Variants in RYR3 observed in about 807,000 individuals in gnomAD.
RYR3 encodes brain ryanodine receptor-calcium release channel.
A neutral mutation model predicts 584.3 loss-of-function variants in RYR3; 207 were observed. The ratio of observed to expected loss-of-function variants is 0.35; its 90% CI spans 0.32 to 0.40. RYR3 has a LOEUF of 0.40. Ranked by LOEUF, RYR3 falls within the 10% of genes least tolerant of loss-of-function variation. RYR3 has a pLI of 1.00. For missense variants in RYR3, 5,616 were observed against 6,089.2 expected, an observed-to-expected ratio of 0.92 and a Z score of 2.59; for synonymous variants, 2,416 against 2,248.5, an observed-to-expected ratio of 1.07 and a Z score of -2.11.
chr15:33,313,745 G>T (rs1035960365), intron 1 of RYR3, among the ~76,000 whole-genome samples: 3 of 152,158 alleles, frequency 2.0e-5, no homozygotes, highest in African/African-American at 7.2e-5. Context: ...CTGGACCATG[G>T]AATAGAATCA....
intron 1 of RYR3, among the ~76,000 whole-genome samples, chr15:33,321,762 C>T (rs1968997107): frequency 6.6e-6 from 1 of 152,186 alleles, no homozygotes; most frequent in Non-Finnish European, 1.5e-5. Context: ...GGCTTTTGGT[C>T]TCCTTAAAGA....
intron 43 of RYR3, among the ~76,000 whole-genome samples, chr15:33,711,917 G>A (rs1441316393): frequency 1.3e-5 from 2 of 152,236 alleles, no homozygotes; most frequent in East Asian, 3.9e-4. Context: ...CCAATCTTTG[G>A]TACAAATGTT....
At chr15:33,338,895 T>TA (rs944299454) in intron 1 of RYR3, among the ~76,000 whole-genome samples, 1 of 152,120 alleles carries the variant, frequency 6.6e-6, no homozygotes, top group African/African-American at 2.4e-5. Flanking sequence ...CAAGCAAAAC[T>TA]AAACAATATG....
chr15:33,548,007 C>T (rs1420495066), intron 8 of RYR3, 123 bp from the exon 9 acceptor site: 23 of 680,664 alleles, frequency 3.4e-5, no homozygotes, highest in Non-Finnish European at 6.0e-5. Flanking sequence ...GCTTTGCATT[C>T]TGCTGACTCC....
intron 60 of RYR3, among the ~76,000 whole-genome samples, chr15:33,763,892 C>CAAAAACAAAAAAAAAAA (rs1555447212): frequency 1.7e-4 from 8 of 45,872 alleles, no homozygotes; most frequent in African/African-American, 6.3e-4. Context: ...GACTTCATCT[C>CAAAAACAAAAAAAAAAA]AAAAAAAAAA....
chr15:33,709,847 C>T (rs965600119), intron 43 of RYR3, among the ~76,000 whole-genome samples: 3 of 152,150 alleles, frequency 2.0e-5, no homozygotes, highest in Admixed American at 6.5e-5. Flanking sequence ...ACTGGTAAGA[C>T]ATGCGGTTTA....
intron 12 of RYR3, among the ~76,000 whole-genome samples, chr15:33,578,618 G>GC (rs940552615): frequency 6.5e-4 from 99 of 152,154 alleles, no homozygotes; most frequent in African/African-American, 2.3e-3. Flanking sequence ...GGGGTGGGGG[G>GC]TAGGAGGAGG....
rs8034655 is a variant in RYR3 at position 33,411,031 on chromosome 15, T to A, written c.52-62388T>A. On this transcript the variant is annotated intron_variant, in intron 1 of 103. Transcript: ENST00000634891. The stretch of plus-strand genomic sequence containing the variant: ...TGCCCCATGATTCATTATCTCCACC[T>A]GGCTCTGCTTTTGACACATGGGTAT... Among the ~76,000 whole-genome samples, 1,040 of 152,326 alleles carry A rather than the reference T, an allele frequency of 6.8e-3. 13 individuals carry two copies. Among genetic ancestry groups the A allele is most frequent in the African/African-American group, 0.024 (991 of 41,566 alleles).
intron 43 of RYR3, among the ~76,000 whole-genome samples, chr15:33,715,914 G>A (rs2067458128): frequency 1.3e-5 from 2 of 152,202 alleles, no homozygotes; most frequent in Admixed American, 1.3e-4. Context: ...TGGTTTGGAT[G>A]TTGTCTTCTC....
At chr15:33,818,017 A>G (rs1373644200) in intron 75 of RYR3, among the ~76,000 whole-genome samples, 1 of 152,250 alleles carries the variant, frequency 6.6e-6, no homozygotes, top group Non-Finnish European at 1.5e-5. Context: ...CCAGGATGGC[A>G]GCTCTCAGGA....
chr15:33,336,436 AAGAAAGAGAGAGAGAG>A (rs1432309955), intron 1 of RYR3, among the ~76,000 whole-genome samples: 5 of 17,520 alleles, frequency 2.9e-4, no homozygotes, highest in East Asian at 2.1e-3. Context: ...GAAAGAAAGA[AAGAAAGAGAGAGAGAG>A]AGAGAGAGAG....
At chr15:33,652,992 GA>G in intron 32 of RYR3, 109 bp downstream of exon 32, 1 of 1,169,396 alleles carries the variant, frequency 8.6e-7, no homozygotes, top group Non-Finnish European at 1.2e-6. Flanking sequence ...TCAAGCTGAT[GA>G]GCCCATGTGG....
At chr15:33,781,126 A>G (rs1223032067) in intron 65 of RYR3, among the ~76,000 whole-genome samples, 3 of 152,192 alleles carry the variant, frequency 2.0e-5, no homozygotes, top group African/African-American at 7.2e-5. Context: ...TCCTGGAACT[A>G]AAATCCAAGG....
In RYR3 at chr15:33,697,921, C is replaced by T. The variant is rs753321807; in HGVS notation, c.6174C>T (p.Asn2058=). The T allele has an allele frequency of 1.2e-6, 2 of 1,613,706 alleles. No individual in the cohort carries two copies. The highest frequency in any genetic ancestry group is 1.7e-6 in the Non-Finnish European group (2 of 1,179,646). ...MNNKVFYQHP[N]LMRVLGMHET... ...ACAAGGTGTTTTACCAGCATCCCAA[C>T]CTCATGAGAGTCCTGGGCATGCACG... Residue 2058 remains asparagine (N), a synonymous_variant, in exon 40 of 104, where the codon AAC becomes AAT. Coordinates refer to ENST00000634891, the MANE Select transcript of RYR3 (RefSeq NM_001036.6).
At chr15:33,745,157 T>C (rs2070565401) in intron 52 of RYR3, among the ~76,000 whole-genome samples, 1 of 152,138 alleles carries the variant, frequency 6.6e-6, no homozygotes, top group Admixed American at 6.5e-5. Context: ...CCCATGTCAT[T>C]GGCTTGGAAA....
chr15:33,354,065 G>T (rs1186783955), intron 1 of RYR3, among the ~76,000 whole-genome samples: 5 of 152,166 alleles, frequency 3.3e-5, no homozygotes, highest in Non-Finnish European at 7.3e-5. Context: ...TCTTTGACAA[G>T]TGGTTTGGGT....
chr15:33,368,610 A>T (rs1261303029), intron 1 of RYR3, among the ~76,000 whole-genome samples: 2 of 152,056 alleles, frequency 1.3e-5, no homozygotes, highest in Non-Finnish European at 2.9e-5. Context: ...CAATTCAGTG[A>T]TAATGTTCAA....
At chr15:33,667,787 G>A (rs1008764188) in intron 36 of RYR3, among the ~76,000 whole-genome samples, 3 of 152,192 alleles carry the variant, frequency 2.0e-5, no homozygotes, top group South Asian at 2.1e-4. Context: ...AGTCAGGCCC[G>A]GCGCGGTGGC....
intron 3 of RYR3, among the ~76,000 whole-genome samples, chr15:33,515,816 A>T (rs1327001783): frequency 6.6e-6 from 1 of 152,164 alleles, no homozygotes; most frequent in Non-Finnish European, 1.5e-5. Context: ...GTCTATAAAA[A>T]TTCATCAATG....
Sources: gnomAD v4.1 joint callset for allele counts (sites outside exome capture counted in the v4.1 genomes callset) on GRCh38, gnomAD v4.1.1 for gene constraint, MANE v1.5 for transcripts, NCBI Gene and HGNC (gene_info 2026-07-23, HGNC 2026-07-21) for gene names.